Variants in LAMTOR3 observed in about 807,000 individuals in gnomAD.
The protein encoded by LAMTOR3 is late endosomal/lysosomal adaptor, MAPK and MTOR activator 3.
A neutral mutation model predicts 20.3 loss-of-function variants in LAMTOR3; 14 were observed. That is an observed-to-expected ratio of 0.69 (90% CI 0.46 to 1.08). LAMTOR3 has a LOEUF of 1.08. LAMTOR3 is among the 50% of genes least tolerant of loss of function. The pLI, the probability that LAMTOR3 is intolerant of heterozygous loss-of-function variation, is 0.00. For synonymous variants in LAMTOR3, 40 were observed against 49.4 expected (o/e 0.81, Z 0.80); for missense variants, 125 against 143.7 (o/e 0.87, Z 0.67).
chr4:99,894,146 G>T, intron 1 of LAMTOR3, 146 bp from the exon 2 acceptor site: 1 of 473,636 alleles, frequency 2.1e-6, no homozygotes, highest in Non-Finnish European at 3.7e-6. Flanking sequence ...AGTGGGAGTC[G>T]GAGTGCCCCA....
rs928675677 is a variant in LAMTOR3, at chr4:99,878,516, C to T, written c.*3478G>A. ...CTTATCCCCCAGGTATCTAGTTCTGCTCCTTGGAGACTACCAATGTGATCA... is the reference window on the plus strand; with the variant it reads ...CTTATCCCCCAGGTATCTAGTTCTGTTCCTTGGAGACTACCAATGTGATCA... On this transcript the variant is annotated 3_prime_UTR_variant, in exon 7 of 7. Coordinates refer to ENST00000499666, the MANE Select transcript of LAMTOR3 (RefSeq NM_021970.4). 1.7e-4 allele frequency: 26 copies of T among 152,190 alleles called. No individual in the cohort carries two copies. The highest frequency in any genetic ancestry group is 1.9e-4 in the Non-Finnish European group (13 of 68,028). 9.4% of individuals were successfully genotyped at this position (152,190 alleles called of 1,614,324 possible).
intron 6 of LAMTOR3, 42 bp from the exon 7 acceptor site, chr4:99,882,109 T>C (rs929799491): frequency 8.0e-7 from 1 of 1,254,558 alleles, no homozygotes; most frequent in Admixed American, 2.4e-5. Context: ...TAGAAAAATG[T>C]TCCTCAAAGC....
intron 3 of LAMTOR3, among the ~76,000 whole-genome samples, chr4:99,890,806 T>A (rs1725008055): frequency 6.6e-6 from 1 of 152,204 alleles, no homozygotes; most frequent in African/African-American, 2.4e-5. Context: ...GCATTTACTT[T>A]CCAACTATTT....
At chr4:99,884,253 T>C (rs1724878349) in intron 5 of LAMTOR3, 128 bp from the exon 6 acceptor site, 2 of 673,148 alleles carry the variant, frequency 3.0e-6, no homozygotes, top group African/African-American at 1.8e-5. Context: ...TGGTATTATA[T>C]TATGAAACAG....
At position 99,880,883 on chromosome 4, in the gene LAMTOR3, T is replaced by G. The variant is rs1382899164; in HGVS notation, c.*1111A>C. On this transcript the variant is annotated 3_prime_UTR_variant, in exon 7 of 7. Coordinates refer to ENST00000499666, the MANE Select transcript of LAMTOR3 (RefSeq NM_021970.4). ...GAATGATAGACTGCATTCCTGAACA[T>G]AAAGGGTATATTCTAGAACTGTAGT... 6.6e-6 allele frequency: 1 copy of G among 152,192 alleles called. No homozygotes were observed. Among genetic ancestry groups the G allele is most frequent in the East Asian group, 1.9e-4 (1 of 5,194 alleles). 9.4% of individuals were successfully genotyped at this position (152,192 alleles called of 1,614,324 possible).
chr4:99,892,483 G>A (rs1725040025), intron 2 of LAMTOR3, among the ~76,000 whole-genome samples: 1 of 152,128 alleles, frequency 6.6e-6, no homozygotes, highest in Non-Finnish European at 1.5e-5. Context: ...TCTTGGGTAA[G>A]GTGATATGAC....
intron 2 of LAMTOR3, 66 bp downstream of exon 2, chr4:99,893,889 C>G (rs570013140): frequency 2.3e-6 from 3 of 1,307,684 alleles, no homozygotes; most frequent in Non-Finnish European, 3.1e-6. Context: ...TTCTACCTCT[C>G]CCCGCTCAGT....
intron 6 of LAMTOR3, 74 bp from the exon 7 acceptor site, chr4:99,882,141 G>A: frequency 1.2e-6 from 1 of 845,858 alleles, no homozygotes; most frequent in Non-Finnish European, 1.9e-6. Context: ...ATTTCCTTAT[G>A]TCCAAAATAC....
At position 99,880,086 on chromosome 4, in the gene LAMTOR3, A is replaced by G. The variant is rs1353594231; in HGVS notation, c.*1908T>C. ...ATTTATAGCTCTTTGCAGGTAAAGC[A>G]TTATATCTCTTGCCTCTATTTTATT... On this transcript the variant is annotated 3_prime_UTR_variant, in exon 7 of 7. Transcript: ENST00000499666. 1 of 152,108 alleles carries G rather than the reference A, an allele frequency of 6.6e-6. No homozygotes were observed. The highest frequency in any genetic ancestry group is 1.5e-5 in the Non-Finnish European group (1 of 68,034). 9.4% of individuals were successfully genotyped at this position (152,108 alleles called of 1,614,324 possible).
At chr4:99,886,394 C>T (rs969316081) in intron 4 of LAMTOR3, among the ~76,000 whole-genome samples, 1 of 152,100 alleles carries the variant, frequency 6.6e-6, no homozygotes. Context: ...CGGCAATGTC[C>T]GAAGATTATA....
rs948655368 is a variant in LAMTOR3 at position 99,888,598 on chromosome 4, C to T, written c.45-1244G>A. On this transcript the variant is annotated intron_variant, in intron 3 of 6. Transcript: ENST00000499666. ...TATGTTCAATGTCCCTACAGCAACC[C>T]GGAATGATCTATTCTTTGTGTTAAC... Among the ~76,000 whole-genome samples the T allele has an allele frequency of 6.6e-5, 10 of 152,038 alleles. No homozygotes were observed. In the East Asian group the frequency reaches 7.7e-4, roughly 12 times the overall value.
intron 6 of LAMTOR3, among the ~76,000 whole-genome samples, chr4:99,882,430 T>A (rs1025045113): frequency 2.0e-5 from 3 of 152,268 alleles, no homozygotes; most frequent in African/African-American, 7.2e-5. Context: ...CAACCTGTAC[T>A]ATAACCCTAA....
chr4:99,882,485 A>G (rs1309166938), intron 6 of LAMTOR3, among the ~76,000 whole-genome samples: 1 of 152,158 alleles, frequency 6.6e-6, no homozygotes, highest in Non-Finnish European at 1.5e-5. Flanking sequence ...GTTTATTTTC[A>G]GCATCTATTA....
rs1158561363 is a variant in LAMTOR3 at position 99,878,519 on chromosome 4, C to G, written c.*3475G>C. 3 of 152,186 alleles carry G rather than the reference C, an allele frequency of 2.0e-5. No individual in the cohort carries two copies. The highest frequency in any genetic ancestry group is 4.4e-5 in the Non-Finnish European group (3 of 68,026). 9.4% of individuals were successfully genotyped at this position (152,186 alleles called of 1,614,324 possible). On this transcript the variant is annotated 3_prime_UTR_variant, in exon 7 of 7. Transcript: ENST00000499666. ...ATCCCCCAGGTATCTAGTTCTGCTC[C>G]TTGGAGACTACCAATGTGATCAGGT... is the stretch of plus-strand genomic sequence containing the variant.
chr4:99,880,283 A>C lies in LAMTOR3; in HGVS notation c.*1711T>G, dbSNP rs889745574. The C allele has an allele frequency of 6.6e-6, 1 of 152,132 alleles. No individual in the cohort carries two copies. Among genetic ancestry groups the C allele is most frequent in the African/African-American group, 2.4e-5 (1 of 41,404 alleles). The allele number at this position is 152,132 out of a possible 1,614,324, so 9.4% of individuals were successfully genotyped here. On this transcript the variant is annotated 3_prime_UTR_variant, in exon 7 of 7. Transcript: ENST00000499666. ...CATATTTACACTGAAGAAGGGAGGAAGGATGGAAGGAAGAAAAAGTAGCAC... is the reference window on the plus strand; with the variant it reads ...CATATTTACACTGAAGAAGGGAGGACGGATGGAAGGAAGAAAAAGTAGCAC...
rs1724783038 is a variant in LAMTOR3 at position 99,879,676 on chromosome 4, T to C, written c.*2318A>G. On this transcript the variant is annotated 3_prime_UTR_variant, in exon 7 of 7. Coordinates refer to ENST00000499666, the MANE Select transcript of LAMTOR3 (RefSeq NM_021970.4). ...ACATTTCGAGACATGCTTTGTTAGG[T>C]GATTTCATCATTATGTGAACATCAT... The C allele has an allele frequency of 6.6e-6, 1 of 152,080 alleles. No individual in the cohort carries two copies. The highest frequency in any genetic ancestry group is 1.9e-4 in the East Asian group (1 of 5,200). 9.4% of individuals were successfully genotyped at this position (152,080 alleles called of 1,614,324 possible).
intron 3 of LAMTOR3, among the ~76,000 whole-genome samples, chr4:99,890,115 T>G (rs1560721555): frequency 6.6e-6 from 1 of 152,218 alleles, no homozygotes; most frequent in African/African-American, 2.4e-5. Context: ...GAATTAAATT[T>G]TGTGAAATAT....
intron 4 of LAMTOR3, among the ~76,000 whole-genome samples, chr4:99,886,821 T>G (rs1483791783): frequency 6.6e-6 from 1 of 152,164 alleles, no homozygotes; most frequent in East Asian, 1.9e-4. Context: ...ATTGTCTGAA[T>G]CCATACTGAC....
intron 2 of LAMTOR3, among the ~76,000 whole-genome samples, chr4:99,893,498 T>A (rs1256854818): frequency 6.6e-6 from 1 of 152,114 alleles, no homozygotes; most frequent in Non-Finnish European, 1.5e-5. Flanking sequence ...CACGTTACCA[T>A]GTTTCTAAAG....
Sources: gnomAD v4.1 joint callset for allele counts (sites outside exome capture counted in the v4.1 genomes callset) on GRCh38, gnomAD v4.1.1 for gene constraint, MANE v1.5 for transcripts, NCBI Gene and HGNC (gene_info 2026-07-23, HGNC 2026-07-21) for gene names.